CTNNA2: variants seen among roughly 807,000 people sequenced by gnomAD.
The protein encoded by CTNNA2 is catenin alpha-2.
Under a neutral mutation model 101.0 loss-of-function variants are expected in CTNNA2, and 42 were observed. The ratio of observed to expected loss-of-function variants is 0.42; its 90% CI spans 0.32 to 0.54. CTNNA2 has a LOEUF of 0.54. CTNNA2 is among the 20% of genes least tolerant of loss of function. The pLI is 0.14. For synonymous variants in CTNNA2, 450 were observed against 456.4 expected (o/e 0.99, Z 0.18); for missense variants, 871 against 1,223.1 (o/e 0.71, Z 4.29).
At chr2:80,075,646 TA>T (rs1558783561) in intron 7 of CTNNA2, among the ~76,000 whole-genome samples, 12 of 100,688 alleles carry the variant, frequency 1.2e-4, no homozygotes, top group African/African-American at 5.2e-4. Flanking sequence ...GTATAAATAT[TA>T]TAAAAATAAT....
intron 7 of CTNNA2, among the ~76,000 whole-genome samples, chr2:80,215,207 C>T (rs571985624): frequency 1.2e-4 from 18 of 152,224 alleles, no homozygotes; most frequent in African/African-American, 4.1e-4. Flanking sequence ...GTTAGAACAT[C>T]CTCCTTTAGT....
At chr2:79,565,478 G>C (rs73938727) in intron 1 of CTNNA2, among the ~76,000 whole-genome samples, 5,409 of 152,196 alleles carry the variant, frequency 0.036, 136 homozygotes, top group African/African-American at 0.065. Context: ...GTCTCAGTGA[G>C]AGCATGTCTG....
intron 7 of CTNNA2, among the ~76,000 whole-genome samples, chr2:80,355,904 T>C (rs1673748216): frequency 6.6e-6 from 1 of 152,090 alleles, no homozygotes; most frequent in Non-Finnish European, 1.5e-5. Flanking sequence ...TGGTCTATAT[T>C]GCTGGGTAAA....
intron 2 of CTNNA2, among the ~76,000 whole-genome samples, chr2:79,236,460 C>G (rs1359154003): frequency 6.6e-6 from 1 of 152,192 alleles, no homozygotes; most frequent in Non-Finnish European, 1.5e-5. Flanking sequence ...GGTGGAGGGT[C>G]TTGCTTCAAT....
At chr2:80,632,063 G>C (rs1462224355) in intron 18 of CTNNA2, among the ~76,000 whole-genome samples, 1 of 152,056 alleles carries the variant, frequency 6.6e-6, no homozygotes, top group Non-Finnish European at 1.5e-5. Flanking sequence ...ATAAATAATT[G>C]ATGTTCAGGG....
chr2:80,643,152 C>A (rs550135295), intron 18 of CTNNA2, among the ~76,000 whole-genome samples: 2 of 151,964 alleles, frequency 1.3e-5, no homozygotes, highest in East Asian at 1.9e-4. Flanking sequence ...CAGCAGATAC[C>A]TATGGGATGG....
At chr2:80,249,394 A>G (rs1427674541) in intron 7 of CTNNA2, among the ~76,000 whole-genome samples, 1 of 152,074 alleles carries the variant, frequency 6.6e-6, no homozygotes, top group Non-Finnish European at 1.5e-5. Context: ...TGTCCCCAAT[A>G]TTGCTTTGCG....
At chr2:80,438,564 G>C (rs1318548181) in intron 9 of CTNNA2, among the ~76,000 whole-genome samples, 2 of 151,924 alleles carry the variant, frequency 1.3e-5, no homozygotes, top group Admixed American at 1.3e-4. Context: ...GATGGTCTAG[G>C]TCATCACTAA....
At position 79,286,285 on chromosome 2, in the gene CTNNA2, G is replaced by A. The variant is rs538575493; in HGVS notation, c.-405-26424G>A. ...AGTTAATATTGTTATGTGTGAATTT[G>A]ATCTGTCATTATGATGTTAGCTGGT... On this transcript the variant is annotated intron_variant, in intron 2 of 21. Transcript: ENST00000466387. 3.4e-3 allele frequency among the ~76,000 whole-genome samples: 522 copies of A among 152,216 alleles called. 4 individuals are homozygous for A. The highest frequency in any genetic ancestry group is 0.012 in the African/African-American group (491 of 41,520).
chr2:79,976,112 G>A (rs147820500), intron 7 of CTNNA2, among the ~76,000 whole-genome samples: 188 of 152,262 alleles, frequency 1.2e-3, no homozygotes, highest in Middle Eastern at 0.01. Context: ...AGGGTTTTAG[G>A]AACTACATGT....
chr2:79,288,758 C>A lies in CTNNA2; in HGVS notation c.-405-23951C>A, dbSNP rs116592723. Among the ~76,000 whole-genome samples the A allele has an allele frequency of 3.1e-3, 467 of 152,242 alleles. 1 individual carries two copies. Among genetic ancestry groups the A allele is most frequent in the African/African-American group, 0.011 (448 of 41,540 alleles). ...CCCAGAAGTTGGCTCAGTAATACTT[C>A]TAATGTATTCTATTTGTCAAAACAA... is the stretch of plus-strand genomic sequence containing the variant. On this transcript the variant is annotated intron_variant, in intron 2 of 21. Coordinates refer to the CTNNA2 transcript ENST00000466387.
At chr2:80,621,495 T>C (rs1378826448) in intron 18 of CTNNA2, among the ~76,000 whole-genome samples, 1 of 151,908 alleles carries the variant, frequency 6.6e-6, no homozygotes, top group Non-Finnish European at 1.5e-5. Flanking sequence ...AAGTTATATA[T>C]AAATTGATAC....
intron 2 of CTNNA2, among the ~76,000 whole-genome samples, chr2:79,685,522 G>T (rs537691192): frequency 6.6e-6 from 1 of 152,260 alleles, no homozygotes; most frequent in Admixed American, 6.5e-5. Context: ...GACCCCCAAG[G>T]TTAGCTCCAT....
At chr2:80,214,503 T>C (rs927624032) in intron 7 of CTNNA2, among the ~76,000 whole-genome samples, 3 of 152,198 alleles carry the variant, frequency 2.0e-5, no homozygotes, top group Admixed American at 6.5e-5. Flanking sequence ...AAATTCTGGG[T>C]TGAAAATTCT....
chr2:80,365,553 G>A (rs1380881062), intron 7 of CTNNA2, among the ~76,000 whole-genome samples: 1 of 141,690 alleles, frequency 7.1e-6, no homozygotes, highest in African/African-American at 2.7e-5. Context: ...CCTACAACAT[G>A]ATAGTTTGTG....
intron 7 of CTNNA2, among the ~76,000 whole-genome samples, chr2:80,217,325 T>C (rs1046024905): frequency 1.1e-4 from 16 of 152,216 alleles, no homozygotes; most frequent in Admixed American, 7.2e-4. Flanking sequence ...CTTCATCCTC[T>C]TCATCAGGAA....
intron 2 of CTNNA2, among the ~76,000 whole-genome samples, chr2:79,702,156 G>A (rs544652342): frequency 6.6e-6 from 1 of 151,980 alleles, no homozygotes; most frequent in Admixed American, 6.5e-5. Context: ...GTGAGTCGGG[G>A]GTTGCAGTGC....
chr2:79,738,562 G>A (rs753256149), intron 2 of CTNNA2, among the ~76,000 whole-genome samples: 1 of 152,148 alleles, frequency 6.6e-6, no homozygotes, highest in Non-Finnish European at 1.5e-5. Context: ...TTTGGTGGAC[G>A]GTAATGTATG....
At chr2:79,235,562 A>T (rs1674545530) in intron 2 of CTNNA2, among the ~76,000 whole-genome samples, 1 of 152,114 alleles carries the variant, frequency 6.6e-6, no homozygotes, top group Non-Finnish European at 1.5e-5. Context: ...GCCACGGTTG[A>T]CAGACTGGCC....
Sources: allele counts gnomAD v4.1 joint callset (sites outside exome capture counted in the v4.1 genomes callset), GRCh38; gene constraint gnomAD v4.1.1; transcripts MANE v1.5; gene names NCBI Gene and HGNC (gene_info 2026-07-23, HGNC 2026-07-21).